The following LRRK2 variants were observed in gnomAD, a reference collection of about 807,000 sequenced individuals.
The protein encoded by LRRK2 is leucine-rich repeat serine/threonine-protein kinase 2.
A neutral mutation model predicts 302.6 loss-of-function variants in LRRK2; 203 were observed. That is an observed-to-expected ratio of 0.67 (90% CI 0.60 to 0.75). The LOEUF (loss-of-function observed/expected upper bound fraction) is 0.75. Ranked by LOEUF, LRRK2 falls within the 30% of genes least tolerant of loss-of-function variation. The pLI is 0.00. For synonymous variants in LRRK2, 1,066 were observed against 1,031.9 expected (o/e 1.03, Z -0.63); for missense variants, 2,830 against 2,951.0 (o/e 0.96, Z 0.95).
chr12:40,292,964 A>G (rs1565719865), intron 20 of LRRK2, among the ~76,000 whole-genome samples: 1 of 152,100 alleles, frequency 6.6e-6, no homozygotes, highest in East Asian at 1.9e-4. Flanking sequence ...TGAAATTCAA[A>G]TAGAAATTTA....
intron 46 of LRRK2, among the ~76,000 whole-genome samples, chr12:40,357,246 A>G (rs1008708610): frequency 1.3e-5 from 2 of 152,164 alleles, no homozygotes; most frequent in African/African-American, 4.8e-5. Context: ...AGTTCCATCC[A>G]TGTTGCTGTA....
At position 40,323,170 on chromosome 12, in the gene LRRK2, A is replaced by C; in HGVS notation, c.5520A>C (p.Leu1840Phe). 6.2e-7 allele frequency: 1 copy of C among 1,613,006 alleles called. No homozygotes were observed. Reference sequence around the variant, plus strand: ...TTTATTACTTCTCAGGAGATCTCTTAGTAAATCCAGATCAACCAAGGCTCA... The same window carrying C: ...TTTATTACTTCTCAGGAGATCTCTTCGTAAATCCAGATCAACCAAGGCTCA... ...LMKKAEEGDL[L>F]VNPDQPRLTI... Residue 1840 changes from leucine (L) to phenylalanine (F), a missense_variant, in exon 38 of 51, where the codon TTA (leucine) becomes TTC (phenylalanine). By Grantham distance (22) the Leu-to-Phe change is conservative (BLOSUM62 0). Transcript: ENST00000298910.
At chr12:40,293,518 C>CA (rs1219181858) in intron 20 of LRRK2, 27 bp from the exon 21 acceptor site, 1 of 1,398,788 alleles carries the variant, frequency 7.1e-7, no homozygotes, top group East Asian at 2.3e-5. Context: ...TATTCACCTT[C>CA]ATGTTATTTT....
At chr12:40,283,499 T>G (rs970644588) in intron 18 of LRRK2, among the ~76,000 whole-genome samples, 3 of 152,226 alleles carry the variant, frequency 2.0e-5, no homozygotes, top group African/African-American at 7.2e-5. Context: ...TTTACTGTGT[T>G]AAGGTACTGG....
chr12:40,315,268 G>C lies in LRRK2; in HGVS notation c.4795G>C (p.Glu1599Gln), dbSNP rs769271881. The C allele has an allele frequency of 3.7e-6, 6 of 1,612,696 alleles. No individual in the cohort carries two copies. The highest frequency in any genetic ancestry group is 5.1e-6 in the Non-Finnish European group (6 of 1,178,922). ...GCAGTTAAGTGACTTGTACTTTGTG[G>C]AACCCAAGTGGCTTTGTAAAATCAT... Reference protein sequence around the residue: ...ALQLSDLYFVEPKWLCKIMAQ... With the variant: ...ALQLSDLYFVQPKWLCKIMAQ... Residue 1599 changes from glutamate to glutamine, a missense_variant, in exon 33 of 51, where the codon GAA becomes CAA. Coordinates refer to ENST00000298910, the MANE Select transcript of LRRK2 (RefSeq NM_198578.4).
intron 14 of LRRK2, among the ~76,000 whole-genome samples, chr12:40,268,620 A>G (rs1592193189): frequency 1.3e-5 from 2 of 152,154 alleles, no homozygotes; most frequent in African/African-American, 4.8e-5. Context: ...TAACAATAGT[A>G]TTTTCTGGAA....
Position 40,225,270 on chromosome 12 carries a change from T to C in LRRK2, c.139T>C (p.Tyr47His). 2.5e-6 allele frequency: 4 copies of C among 1,614,172 alleles called. No individual in the cohort carries two copies. Among genetic ancestry groups the C allele is most frequent in the Non-Finnish European group, 3.4e-6 (4 of 1,180,026 alleles). The change falls in exon 1 of 51, where the codon TAC becomes CAC. Residue 47 changes from tyrosine to histidine, a missense_variant. By Grantham distance (83) the Tyr-to-His change is moderately conservative. This residue lies in a region of LRRK2 where 2,121 missense variants were observed against 2,148.0 expected (regional missense o/e 0.99). Coordinates refer to ENST00000298910, the MANE Select transcript of LRRK2 (RefSeq NM_198578.4). ...CCTGGAGGATCTGCTGGTGTTCACG[T>C]ACTCCGAGCGCGGTAATCACTTGAA... The part of the protein sequence containing the change: ...QILEDLLVFT[Y>H]SERASKLFQG...
rs202059842 is a variant in LRRK2, at chr12:40,368,857, C to G, written c.*1092C>G. The G allele has an allele frequency of 1.3e-5, 2 of 151,768 alleles. No homozygotes were observed. The highest frequency in any genetic ancestry group is 4.8e-5 in the African/African-American group (2 of 41,350). 9.4% of individuals were successfully genotyped at this position (151,768 alleles called of 1,614,324 possible). A position where few individuals can be genotyped will look rare whatever the true frequency, so the allele number is the denominator to read the frequency against. ...ATACTTAAATTGTTTACATAGCTTACCACAATAGGAGTATCAGGGCCAAAT... is the reference window on the plus strand; with the variant it reads ...ATACTTAAATTGTTTACATAGCTTAGCACAATAGGAGTATCAGGGCCAAAT... On this transcript the variant is annotated 3_prime_UTR_variant, in exon 51 of 51. Coordinates refer to ENST00000298910, the MANE Select transcript of LRRK2 (RefSeq NM_198578.4).
At chr12:40,324,053 G>A (rs561653672) in intron 38 of LRRK2, among the ~76,000 whole-genome samples, 1 of 152,184 alleles carries the variant, frequency 6.6e-6, no homozygotes, top group South Asian at 2.1e-4. Context: ...AAAAGTGTAT[G>A]CATTATAACT....
chr12:40,357,532 G>T (rs146557113), intron 46 of LRRK2, among the ~76,000 whole-genome samples: 174 of 152,130 alleles, frequency 1.1e-3, no homozygotes, highest in African/African-American at 3.9e-3. Context: ...GTTTTCCGTA[G>T]TGGCTATAGC....
chr12:40,269,657 A>G (rs1400172585), intron 14 of LRRK2, among the ~76,000 whole-genome samples: 2 of 152,216 alleles, frequency 1.3e-5, no homozygotes, highest in Admixed American at 6.5e-5. Flanking sequence ...CAGATAAATT[A>G]TACCATTTCC....
intron 50 of LRRK2, chr12:40,367,299 C>G (rs965013388): frequency 8.2e-6 from 4 of 489,862 alleles, no homozygotes; most frequent in Non-Finnish European, 1.4e-5. Flanking sequence ...GTGTCAATCA[C>G]TAGCTCAACC....
chr12:40,279,566 G>A (rs7134572), intron 18 of LRRK2, among the ~76,000 whole-genome samples: 131,019 of 152,170 alleles, frequency 0.86, 56,417 homozygotes, highest in Middle Eastern at 0.91. Flanking sequence ...TGAAAATACC[G>A]AAGAACTAAA....
intron 26 of LRRK2, 79 bp downstream of exon 26, chr12:40,302,961 T>C (rs1592256563): frequency 4.0e-6 from 4 of 990,180 alleles, no homozygotes; most frequent in Middle Eastern, 2.1e-4. Context: ...GATTTAGTCA[T>C]ATAGAGGTAA....
intron 44 of LRRK2, among the ~76,000 whole-genome samples, chr12:40,353,567 C>T (rs943703296): frequency 6.6e-6 from 1 of 151,846 alleles, no homozygotes; most frequent in Non-Finnish European, 1.5e-5. Flanking sequence ...ACGCTCCTCA[C>T]TTCCCAGACG....
intron 6 of LRRK2, among the ~76,000 whole-genome samples, chr12:40,242,475 G>T (rs1004086181): frequency 6.6e-6 from 1 of 151,632 alleles, no homozygotes; most frequent in Non-Finnish European, 1.5e-5. Flanking sequence ...ACCTGTGTTT[G>T]TCCCTAAGAC....
intron 14 of LRRK2, among the ~76,000 whole-genome samples, chr12:40,271,958 T>C (rs1214692583): frequency 6.6e-6 from 1 of 152,118 alleles, no homozygotes; most frequent in East Asian, 1.9e-4. Flanking sequence ...TGTAGAGATA[T>C]TGAGGACAGA....
intron 18 of LRRK2, among the ~76,000 whole-genome samples, chr12:40,281,971 A>G (rs1943715304): frequency 6.6e-6 from 1 of 151,918 alleles, no homozygotes; most frequent in Non-Finnish European, 1.5e-5. Context: ...TTACTGGGCT[A>G]TAAGAGAAGG....
intron 48 of LRRK2, among the ~76,000 whole-genome samples, chr12:40,364,407 G>A (rs557608739): frequency 4.7e-4 from 72 of 151,896 alleles, no homozygotes; most frequent in African/African-American, 1.7e-3. Context: ...CTATTCACTG[G>A]TTCTGGGAAA....
Sources: gnomAD v4.1 joint callset for allele counts (sites outside exome capture counted in the v4.1 genomes callset) on GRCh38, gnomAD v4.1.1 for gene constraint, gnomAD v4.1.1 regional missense constraint, MANE v1.5 for transcripts, NCBI Gene and HGNC (gene_info 2026-07-23, HGNC 2026-07-21) for gene names.